Variants in RCC1L observed in about 807,000 individuals in gnomAD.
RCC1L encodes RCC1-like G exchanging factor-like protein.
A neutral mutation model predicts 58.6 loss-of-function variants in RCC1L; 46 were observed. The ratio of observed to expected loss-of-function variants is 0.79; its 90% CI spans 0.62 to 1.00. The LOEUF is 1.00. Among genes scored for constraint, RCC1L ranks in the 50% least tolerant of loss-of-function variants. The pLI, the probability that RCC1L is intolerant of heterozygous loss-of-function variation, is 0.00. For synonymous variants in RCC1L, 281 were observed against 262.9 expected, an observed-to-expected ratio of 1.07 and a Z score of -0.67; for missense variants, 636 against 623.6, an observed-to-expected ratio of 1.02 and a Z score of -0.21.
At chr7:75,036,670 G>T (rs1227818347) in intron 10 of RCC1L, among the ~76,000 whole-genome samples, 2 of 152,002 alleles carry the variant, frequency 1.3e-5, no homozygotes, top group Non-Finnish European at 2.9e-5. Flanking sequence ...GAGGTGGGCG[G>T]ATTACATGAA....
intron 10 of RCC1L, among the ~76,000 whole-genome samples, chr7:75,029,779 A>C (rs1805250244): frequency 6.6e-6 from 1 of 152,134 alleles, no homozygotes; most frequent in African/African-American, 2.4e-5. Flanking sequence ...GCAGAGCCTG[A>C]GTGAGGCCGG....
In RCC1L at chr7:75,070,652, G is replaced by A. The variant is rs143969297; in HGVS notation, c.442C>T (p.Arg148Trp). Residue 148 changes from arginine to tryptophan, a missense_variant, in exon 2 of 11, where the codon CGG (arginine) becomes TGG (tryptophan). Arg to Trp is a moderately radical substitution (Grantham distance 101, BLOSUM62 -3). Coordinates refer to ENST00000610322, the MANE Select transcript of RCC1L (RefSeq NM_030798.5). ...TAGGGATGCTCACTTTTATCTTTCC[G>A]GCTCCTGTGAAATCCAAGCTGAGAA... ...KDSQLGFHRS[R>W]KDKTRGYEYV... 9.7e-5 allele frequency: 157 copies of A among 1,613,774 alleles called. No individual in the cohort carries two copies. The highest frequency in any genetic ancestry group is 1.2e-4 in the African/African-American group (9 of 74,878).
intron 7 of RCC1L, chr7:75,057,826 C>T: frequency 4.8e-6 from 3 of 627,662 alleles, no homozygotes; most frequent in South Asian, 3.6e-5. Context: ...GAGTTCTAGT[C>T]TAGTGGACGA....
chr7:75,027,973 G>T (rs1805184714), exon 11 of RCC1L: 5 of 1,505,642 alleles, frequency 3.3e-6, no homozygotes, highest in Non-Finnish European at 4.5e-6. Flanking sequence ...TCTCAGAGGG[G>T]CTCCATCCGC....
intron 2 of RCC1L, among the ~76,000 whole-genome samples, chr7:75,069,560 C>CTGTTTGTT (rs202155222): frequency 6.6e-6 from 1 of 151,184 alleles, no homozygotes; most frequent in African/African-American, 2.4e-5. Context: ...GTCTACTTTT[C>CTGTTTGTT]TGTTTGTTTG....
At chr7:75,070,513 G>C in intron 2 of RCC1L, 127 bp downstream of exon 2, 1 of 1,309,560 alleles carries the variant, frequency 7.6e-7, no homozygotes. Context: ...GGAGGTTGCA[G>C]TGAGCCAGGA....
chr7:75,067,307 A>G (rs1248228445), intron 2 of RCC1L, among the ~76,000 whole-genome samples: 1 of 150,354 alleles, frequency 6.7e-6, no homozygotes, highest in African/African-American at 2.5e-5. Context: ...ATCTGGAAAA[A>G]AAAAAAAAAT....
chr7:75,060,249 G>C (rs924417305), intron 6 of RCC1L, among the ~76,000 whole-genome samples: 2 of 152,126 alleles, frequency 1.3e-5, no homozygotes, highest in Non-Finnish European at 2.9e-5. Context: ...ACATTGTCTG[G>C]ATGCACCACG....
At chr7:75,072,224 A>T (rs1391042204) in intron 1 of RCC1L, among the ~76,000 whole-genome samples, 2 of 133,086 alleles carry the variant, frequency 1.5e-5, no homozygotes, top group Non-Finnish European at 3.2e-5. Flanking sequence ...ATGAGTTCTC[A>T]CTGTGTTACC....
intron 6 of RCC1L, among the ~76,000 whole-genome samples, 155 bp downstream of exon 6, chr7:75,061,052 C>G (rs1402060265): frequency 6.6e-6 from 1 of 152,066 alleles, no homozygotes; most frequent in African/African-American, 2.4e-5. Context: ...CCAGCTTGGG[C>G]GATGGAGCCA....
intron 6 of RCC1L, among the ~76,000 whole-genome samples, chr7:75,059,267 CTTTT>C (rs1242893209): frequency 7.1e-6 from 1 of 140,180 alleles, no homozygotes; most frequent in Non-Finnish European, 1.6e-5. Flanking sequence ...GCTCATACAA[CTTTT>C]TTTTTTTTTT....
downstream of RCC1L, among the ~76,000 whole-genome samples, chr7:75,039,803 G>C (rs940232615): frequency 1.2e-4 from 18 of 152,308 alleles, no homozygotes; most frequent in South Asian, 3.7e-3. Context: ...TGCCATTCAC[G>C]TGCTCACTAA....
intron 10 of RCC1L, among the ~76,000 whole-genome samples, chr7:75,045,609 T>C (rs1356507409): frequency 6.6e-6 from 1 of 150,856 alleles, no homozygotes; most frequent in Admixed American, 6.6e-5. Flanking sequence ...TCCGACTCCC[T>C]GGTTCAAGCG....
intron 10 of RCC1L, among the ~76,000 whole-genome samples, chr7:75,033,272 C>G (rs1805355655): frequency 6.6e-6 from 1 of 151,846 alleles, no homozygotes; most frequent in East Asian, 1.9e-4. Flanking sequence ...TGTGCTTGGA[C>G]CAGGAAATGA....
chr7:75,063,780 T>C (rs1385299112), intron 4 of RCC1L, among the ~76,000 whole-genome samples: 1 of 151,898 alleles, frequency 6.6e-6, no homozygotes, highest in Non-Finnish European at 1.5e-5. Flanking sequence ...ATTAGCCAAG[T>C]GCGGTGGCGG....
chr7:75,072,232 A>AC (rs1474470142), intron 1 of RCC1L, among the ~76,000 whole-genome samples: 1 of 137,536 alleles, frequency 7.3e-6, no homozygotes, highest in African/African-American at 2.6e-5. Flanking sequence ...TCACTGTGTT[A>AC]CCCAGGCTGG....
chr7:75,027,538 G>A, exon 11 of RCC1L: 1 of 161,466 alleles, frequency 6.2e-6, no homozygotes, highest in Non-Finnish European at 1.4e-5. Flanking sequence ...TAACCTGCAA[G>A]CTTAGAAATC....
intron 10 of RCC1L, 83 bp from the exon 11 acceptor site, chr7:75,043,192 G>T: frequency 2.0e-6 from 3 of 1,491,466 alleles, no homozygotes; most frequent in Non-Finnish European, 2.8e-6. Context: ...ACCCGGCCCT[G>T]CCTCTCAGTA....
chr7:75,034,829 T>G (rs1805401657), intron 10 of RCC1L, among the ~76,000 whole-genome samples: 1 of 152,042 alleles, frequency 6.6e-6, no homozygotes, highest in South Asian at 2.1e-4. Context: ...ATTTTTTTAT[T>G]TTTTGTAGAG....
Sources: allele counts gnomAD v4.1 joint callset (sites outside exome capture counted in the v4.1 genomes callset), GRCh38; gene constraint gnomAD v4.1.1; transcripts MANE v1.5; gene names NCBI Gene and HGNC (gene_info 2026-07-23, HGNC 2026-07-21).